The following ROCK1 variants were observed in gnomAD, a reference collection of about 807,000 sequenced individuals.
ROCK1 encodes the protein rho-associated protein kinase 1.
ROCK1 carries 36 observed loss-of-function variants against 196.8 expected under a neutral mutation model. The observed-to-expected ratio is 0.18, with a 90% CI of 0.14 to 0.24. ROCK1 has a LOEUF of 0.24. ROCK1 is among the 10% of genes least tolerant of loss of function. The probability of loss-of-function intolerance (pLI) is 1.00; values close to 1 mark genes in which losing one functional copy is unlikely to be tolerated. For synonymous variants in ROCK1, 443 were observed against 515.9 expected, an observed-to-expected ratio of 0.86 and a Z score of 1.91; for missense variants, 920 against 1,562.0, an observed-to-expected ratio of 0.59 and a Z score of 6.93.
chr18:21,000,364 G>C lies in ROCK1; in HGVS notation c.1885+5987C>G, dbSNP rs1382120572. Among the ~76,000 whole-genome samples, 9 of 152,032 alleles carry C rather than the reference G, an allele frequency of 5.9e-5. 1 individual carries two copies. The highest frequency in any genetic ancestry group is 5.9e-4 in the Admixed American group (9 of 15,264). ...TGCAACCGCTGCCTCCCAGGCTCAA[G>C]TGATCCTCCGGCCTCAGTCCCCCAA... On this transcript the variant is annotated intron_variant, in intron 16 of 32. Coordinates refer to ENST00000399799, the MANE Select transcript of ROCK1 (RefSeq NM_005406.3).
chr18:20,983,547 C>T (rs541181396), intron 20 of ROCK1, among the ~76,000 whole-genome samples: 53 of 151,992 alleles, frequency 3.5e-4, no homozygotes, highest in African/African-American at 1.1e-3. Flanking sequence ...GAAAATCTAG[C>T]GGCTAGACTT....
At chr18:20,980,199 C>T (rs1363750115) in intron 21 of ROCK1, among the ~76,000 whole-genome samples, 195 bp from the exon 22 acceptor site, 1 of 151,624 alleles carries the variant, frequency 6.6e-6, no homozygotes, top group African/African-American at 2.4e-5. Context: ...TATAACAGCT[C>T]CAAACTGGAA....
chr18:20,960,356 CA>C, intron 27 of ROCK1, 150 bp from the exon 28 acceptor site: 2 of 556,034 alleles, frequency 3.6e-6, no homozygotes. Context: ...TTCAATCACA[CA>C]AATCAACTTT....
intron 13 of ROCK1, 62 bp from the exon 14 acceptor site, chr18:21,008,256 G>T: frequency 3.4e-6 from 4 of 1,182,898 alleles, no homozygotes; most frequent in Non-Finnish European, 4.6e-6. Context: ...ATTCAAGTGA[G>T]TATTTTGTTC....
chr18:21,085,108 A>T (rs529119527), intron 1 of ROCK1, among the ~76,000 whole-genome samples: 1 of 152,316 alleles, frequency 6.6e-6, no homozygotes, highest in South Asian at 2.1e-4. Flanking sequence ...AGGGAATAAA[A>T]GAGTTACTGT....
At chr18:21,045,617 T>C in intron 4 of ROCK1, 150 bp from the exon 5 acceptor site, 1 of 619,480 alleles carries the variant, frequency 1.6e-6, no homozygotes, top group Non-Finnish European at 2.7e-6. Context: ...AAGACAAACA[T>C]AAATGCCACA....
intron 29 of ROCK1, among the ~76,000 whole-genome samples, chr18:20,957,738 C>T (rs1321000651): frequency 1.3e-5 from 2 of 151,984 alleles, no homozygotes; most frequent in Non-Finnish European, 2.9e-5. Context: ...CCCACCTCAG[C>T]CTTCCAAAGT....
intron 18 of ROCK1, among the ~76,000 whole-genome samples, chr18:20,990,416 A>G (rs1255285996): frequency 6.6e-6 from 1 of 150,660 alleles, no homozygotes; most frequent in Non-Finnish European, 1.5e-5. Context: ...GTGATCTTAA[A>G]AAATGGAAAG....
chr18:20,990,422 G>A (rs2035613976), intron 18 of ROCK1, among the ~76,000 whole-genome samples: 1 of 148,968 alleles, frequency 6.7e-6, no homozygotes, highest in Non-Finnish European at 1.5e-5. Flanking sequence ...TTAAAAAATG[G>A]AAAGCATTGC....
intron 12 of ROCK1, among the ~76,000 whole-genome samples, chr18:21,015,743 G>A (rs374332162): frequency 8.6e-5 from 13 of 151,718 alleles, no homozygotes; most frequent in Non-Finnish European, 1.2e-4. Flanking sequence ...AGGCTGAGGC[G>A]GGTGGATCAT....
At chr18:21,099,488 A>C (rs1429553650) in intron 1 of ROCK1, among the ~76,000 whole-genome samples, 2 of 152,198 alleles carry the variant, frequency 1.3e-5, no homozygotes, top group Non-Finnish European at 2.9e-5. Context: ...TCACACCTTT[A>C]ATCCCAACAC....
At chr18:20,984,771 C>T (rs771315597) in intron 19 of ROCK1, among the ~76,000 whole-genome samples, 1 of 151,978 alleles carries the variant, frequency 6.6e-6, no homozygotes, top group Non-Finnish European at 1.5e-5. Flanking sequence ...ATTCTGGTTC[C>T]TTTCTACCCC....
chr18:21,110,991 C>A lies in ROCK1; in HGVS notation c.-81G>T. On this transcript the variant is annotated 5_prime_UTR_variant, in exon 1 of 33. Coordinates refer to ENST00000399799, the MANE Select transcript of ROCK1 (RefSeq NM_005406.3). The stretch of plus-strand genomic sequence containing the variant: ...CAACCAACTTCCTCCGCGGTGGGTT[C>A]GCAGCCGCGGGGCGGAGGAGCCGGA... 1 of 1,208,534 alleles carries A rather than the reference C, an allele frequency of 8.3e-7. No homozygotes were observed. The highest frequency in any genetic ancestry group is 1.2e-6 in the Non-Finnish European group (1 of 821,244). The allele number at this position is 1,208,534 out of a possible 1,614,324, so 74.9% of individuals were successfully genotyped here.
intron 2 of ROCK1, among the ~76,000 whole-genome samples, chr18:21,057,267 C>T (rs979211358): frequency 1.3e-5 from 2 of 152,074 alleles, no homozygotes; most frequent in African/African-American, 2.4e-5. Flanking sequence ...TACTACTATG[C>T]AACATATTCA....
chr18:20,992,766 C>T (rs2035637560), intron 17 of ROCK1, 65 bp downstream of exon 17: 1 of 935,954 alleles, frequency 1.1e-6, no homozygotes, highest in Non-Finnish European at 1.7e-6. Context: ...TATAAAACCA[C>T]CTAGTAGTCT....
At chr18:21,002,696 T>C (rs1329354257) in intron 16 of ROCK1, among the ~76,000 whole-genome samples, 2 of 152,204 alleles carry the variant, frequency 1.3e-5, no homozygotes, top group Admixed American at 1.3e-4. Context: ...CAATGGCTAC[T>C]AACACCACAA....
intron 2 of ROCK1, among the ~76,000 whole-genome samples, chr18:21,064,159 C>T (rs955630678): frequency 6.6e-6 from 1 of 152,158 alleles, no homozygotes; most frequent in African/African-American, 2.4e-5. Flanking sequence ...CCATTTCAGT[C>T]TCATCCCCTG....
chr18:20,981,242 A>C (rs921381805), intron 21 of ROCK1, among the ~76,000 whole-genome samples: 1 of 151,988 alleles, frequency 6.6e-6, no homozygotes, highest in Admixed American at 6.6e-5. Context: ...AAAGTACAAA[A>C]AATTAGCTAG....
intron 13 of ROCK1, among the ~76,000 whole-genome samples, chr18:21,012,818 T>A (rs945165199): frequency 6.6e-6 from 1 of 152,112 alleles, no homozygotes; most frequent in Non-Finnish European, 1.5e-5. Context: ...TGTCACTTTT[T>A]TTCTGATCAT....
Sources: gnomAD v4.1 joint callset for allele counts (sites outside exome capture counted in the v4.1 genomes callset) on GRCh38, gnomAD v4.1.1 for gene constraint, MANE v1.5 for transcripts, NCBI Gene and HGNC (gene_info 2026-07-23, HGNC 2026-07-21) for gene names.